Variants in PTPRE observed in about 807,000 individuals in gnomAD.
PTPRE encodes receptor-type tyrosine-protein phosphatase epsilon.
A neutral mutation model predicts 102.0 loss-of-function variants in PTPRE; 51 were observed. That is an observed-to-expected ratio of 0.50 (90% CI 0.40 to 0.63). The LOEUF (loss-of-function observed/expected upper bound fraction) is 0.63, where lower values mean the gene tolerates loss of function less well. Among genes scored for constraint, PTPRE ranks in the 30% least tolerant of loss-of-function variants. PTPRE has a pLI of 0.00. For missense variants in PTPRE, 752 were observed against 915.1 expected (o/e 0.82, Z 2.30); for synonymous variants, 345 against 348.2 (o/e 0.99, Z 0.10).
At chr10:127,929,521 C>T (rs1847263971) in intron 1 of PTPRE, 1 of 152,076 alleles carries the variant, frequency 6.6e-6, no homozygotes, top group African/African-American at 2.4e-5. Context: ...ATAGTTACCG[C>T]CCTCAAGAAT....
chr10:128,016,341 TTGTACTCTTA>T (rs1490452945), intron 2 of PTPRE, among the ~76,000 whole-genome samples: 2 of 152,118 alleles, frequency 1.3e-5, no homozygotes. Flanking sequence ...TACAGTAAAT[TTGTACTCTTA>T]TGTTAACCAG....
At chr10:128,050,221 G>A (rs1848443625) in intron 6 of PTPRE, among the ~76,000 whole-genome samples, 1 of 152,108 alleles carries the variant, frequency 6.6e-6, no homozygotes, top group Admixed American at 6.5e-5. Context: ...AGGGCAGAGG[G>A]ATGGATGGAT....
intron 2 of PTPRE, among the ~76,000 whole-genome samples, chr10:128,020,232 T>C (rs2135682691): frequency 6.6e-6 from 1 of 152,364 alleles, no homozygotes; most frequent in Non-Finnish European, 1.5e-5. Flanking sequence ...ATGTTGTACA[T>C]ATGGATGTAA....
intron 2 of PTPRE, chr10:127,999,036 G>A (rs1477301998): frequency 6.6e-6 from 1 of 152,080 alleles, no homozygotes; most frequent in African/African-American, 2.4e-5. Flanking sequence ...AAGCAGCATC[G>A]TGCCTGAAAT....
chr10:127,997,660 T>C (rs1743591452), intron 2 of PTPRE, among the ~76,000 whole-genome samples: 1 of 152,098 alleles, frequency 6.6e-6, no homozygotes, highest in Admixed American at 6.5e-5. Context: ...GATATACAAA[T>C]AGGAGAACAA....
intron 2 of PTPRE, among the ~76,000 whole-genome samples, chr10:128,014,102 C>T (rs77424479): frequency 5.2e-4 from 79 of 152,228 alleles, no homozygotes; most frequent in Non-Finnish European, 9.7e-4. Context: ...TCTGATCCTC[C>T]GTCCCAGACT....
At chr10:128,068,804 G>A (rs1437541216) in intron 12 of PTPRE, 1 of 152,402 alleles carries the variant, frequency 6.6e-6, no homozygotes, top group Non-Finnish European at 1.5e-5. Flanking sequence ...ACCTGTGATG[G>A]GAAGGACAGC....
chr10:127,969,671 GA>G (rs531783585), intron 1 of PTPRE, among the ~76,000 whole-genome samples: 114 of 74,330 alleles, frequency 1.5e-3, no homozygotes, highest in East Asian at 8.9e-3. Context: ...TGCCTAAAAA[GA>G]AAAAAAAAAA....
intron 1 of PTPRE, among the ~76,000 whole-genome samples, chr10:127,955,281 C>T (rs1382753429): frequency 1.4e-5 from 2 of 144,368 alleles, no homozygotes; most frequent in Non-Finnish European, 3.0e-5. Context: ...AGAATAAATA[C>T]ATGTGTACAT....
chr10:127,976,174 T>A (rs181048061), intron 1 of PTPRE, among the ~76,000 whole-genome samples: 1 of 152,168 alleles, frequency 6.6e-6, no homozygotes. Context: ...ACTGTCAGTA[T>A]CTGAGAAGTG....
chr10:128,057,104 C>T lies in PTPRE; in HGVS notation c.511+891C>T, dbSNP rs552208635. Among the ~76,000 whole-genome samples, 13 of 152,060 alleles carry T rather than the reference C, an allele frequency of 8.5e-5. No individual in the cohort carries two copies. The South Asian group carries it at 2.5e-3, about 29-fold the overall frequency. ...TGGTGGTGGACGCCTGTAATTCCAG[C>T]TACGTGGGAGACTGAGGCAGGAGAA... On this transcript the variant is annotated intron_variant, in intron 7 of 20. Transcript: ENST00000254667.
chr10:128,071,577 C>T lies in PTPRE; in HGVS notation c.1388-561C>T, dbSNP rs141738618. On this transcript the variant is annotated intron_variant, in intron 15 of 20. Coordinates refer to ENST00000254667, the MANE Select transcript of PTPRE (RefSeq NM_006504.6). ...GAGAAACCCGGCCCCAAAGCAGACT[C>T]CACAGGGATCCGAGGAACTAGGGAG... 4.8e-3 allele frequency: 751 copies of T among 155,920 alleles called. 14 individuals are homozygous for T. The highest frequency in any genetic ancestry group is 4.0e-3 in the Non-Finnish European group (281 of 70,530). The allele number at this position is 155,920 out of a possible 1,614,324, so 9.7% of individuals were successfully genotyped here.
At chr10:128,041,042 TGG>T in intron 3 of PTPRE, 52 bp downstream of exon 3, 1 of 1,496,784 alleles carries the variant, frequency 6.7e-7, no homozygotes, top group Non-Finnish European at 9.3e-7. Context: ...CCTAAGCTCC[TGG>T]GACCATTCAG....
At chr10:128,044,025 G>A (rs1352639988) in intron 3 of PTPRE, among the ~76,000 whole-genome samples, 3 of 152,094 alleles carry the variant, frequency 2.0e-5, no homozygotes, top group South Asian at 2.1e-4. Context: ...TTTACAGTCC[G>A]TGAAGCTGTA....
In PTPRE at chr10:128,070,083, C is replaced by T. The variant is rs1850634728; in HGVS notation, c.1144-218C>T. ...AACGGTGCATGTACACAGTGCGTGG[C>T]GTGCTCACCAATGTGAGGCTCTGCT... On this transcript the variant is annotated intron_variant, in intron 13 of 20. Transcript: ENST00000254667. This position sits in a 1 kb window ranked among gnomAD's most constrained non-coding sequence, Gnocchi z 4.8. 1.5e-5 allele frequency: 10 copies of T among 687,396 alleles called. No homozygotes were observed. Among genetic ancestry groups the T allele is most frequent in the South Asian group, 1.3e-4 (7 of 51,958 alleles). 42.6% of individuals were successfully genotyped at this position (687,396 alleles called of 1,614,324 possible).
chr10:127,908,713 C>T (rs983641118), intron 1 of PTPRE, among the ~76,000 whole-genome samples: 3 of 152,204 alleles, frequency 2.0e-5, no homozygotes, highest in African/African-American at 7.2e-5. Context: ...CCTGACGTAC[C>T]ACCCAGCCCT....
chr10:127,993,744 T>C (rs1852938460), intron 2 of PTPRE, among the ~76,000 whole-genome samples: 1 of 149,928 alleles, frequency 6.7e-6, no homozygotes, highest in Admixed American at 6.7e-5. Context: ...TTTCTTCGTG[T>C]TCTCTCTCTG....
chr10:127,956,130 TTAAG>T (rs1292498910), intron 1 of PTPRE, among the ~76,000 whole-genome samples: 3 of 152,166 alleles, frequency 2.0e-5, no homozygotes, highest in Admixed American at 6.5e-5. Flanking sequence ...TATCTGGAAA[TTAAG>T]TATGATTTCA....
intron 1 of PTPRE, among the ~76,000 whole-genome samples, chr10:127,926,475 G>A (rs533113633): frequency 6.6e-6 from 1 of 152,330 alleles, no homozygotes; most frequent in East Asian, 1.9e-4. Context: ...TTTTTCTTCT[G>A]TGAGGAGCTT....
Sources: allele counts gnomAD v4.1 joint callset (sites outside exome capture counted in the v4.1 genomes callset), GRCh38; gene constraint gnomAD v4.1.1; non-coding constraint Gnocchi (gnomAD v3.1); transcripts MANE v1.5; gene names NCBI Gene and HGNC (gene_info 2026-07-23, HGNC 2026-07-21).